Variants in SLC4A10 observed in about 807,000 individuals in gnomAD.
SLC4A10 encodes the protein sodium-driven chloride bicarbonate exchanger.
Under a neutral mutation model 137.7 loss-of-function variants are expected in SLC4A10, and 42 were observed. That is an observed-to-expected ratio of 0.30 (90% CI 0.24 to 0.39). The LOEUF is 0.39. Ranked by LOEUF, SLC4A10 falls within the 10% of genes least tolerant of loss-of-function variation. The pLI is 1.00. For missense variants in SLC4A10, 925 were observed against 1,355.0 expected, an observed-to-expected ratio of 0.68 and a Z score of 4.98; for synonymous variants, 474 against 464.1, an observed-to-expected ratio of 1.02 and a Z score of -0.27.
chr2:161,945,792 T>C (rs966831705), intron 16 of SLC4A10, among the ~76,000 whole-genome samples: 3 of 151,952 alleles, frequency 2.0e-5, no homozygotes, highest in Non-Finnish European at 2.9e-5. Flanking sequence ...AGGCAGACCA[T>C]TGGCAAATTA....
chr2:161,649,036 G>A lies in SLC4A10; in HGVS notation c.48+24470G>A, dbSNP rs564023248. 3.3e-5 allele frequency among the ~76,000 whole-genome samples: 5 copies of A among 152,186 alleles called. No individual in the cohort carries two copies. In the South Asian group the frequency reaches 1.0e-3, roughly 32 times the overall value. On this transcript the variant is annotated intron_variant, in intron 1 of 26. Transcript: ENST00000446997. ...GACCCAATTTTTATGCAGTTTTTGA[G>A]ATTTTTTAACTCGTCCTTTCTCCCA...
chr2:161,925,139 A>C (rs777261946), intron 15 of SLC4A10, among the ~76,000 whole-genome samples: 41 of 152,184 alleles, frequency 2.7e-4, no homozygotes, highest in Non-Finnish European at 4.9e-4. Context: ...TTGAGGCAGC[A>C]TACAATAGCT....
At chr2:161,659,036 G>A (rs895393585) in intron 1 of SLC4A10, among the ~76,000 whole-genome samples, 11 of 151,984 alleles carry the variant, frequency 7.2e-5, no homozygotes, top group African/African-American at 2.4e-4. Context: ...ATTTAGTCCA[G>A]CAATCCCACT....
At chr2:161,681,861 A>T (rs748626239) in intron 1 of SLC4A10, among the ~76,000 whole-genome samples, 9 of 152,056 alleles carry the variant, frequency 5.9e-5, no homozygotes, top group Non-Finnish European at 1.3e-4. Flanking sequence ...GATCCTCTAC[A>T]GTTTCATGCT....
chr2:161,868,146 G>T (rs1431217205), intron 6 of SLC4A10, among the ~76,000 whole-genome samples: 1 of 151,806 alleles, frequency 6.6e-6, no homozygotes, highest in Non-Finnish European at 1.5e-5. Flanking sequence ...ATACATATGT[G>T]CATACTTAAA....
intron 1 of SLC4A10, among the ~76,000 whole-genome samples, chr2:161,666,146 G>A (rs927738946): frequency 6.6e-6 from 1 of 151,202 alleles, no homozygotes; most frequent in Non-Finnish European, 1.5e-5. Flanking sequence ...TTTTGATATA[G>A]GCCAATCTTA....
intron 3 of SLC4A10, among the ~76,000 whole-genome samples, chr2:161,833,759 T>A (rs905348472): frequency 1.3e-5 from 2 of 152,228 alleles, no homozygotes; most frequent in African/African-American, 4.8e-5. Context: ...CATACAACAA[T>A]TGGCTGATAA....
chr2:161,834,984 T>C (rs2125761021), intron 3 of SLC4A10, among the ~76,000 whole-genome samples: 1 of 152,146 alleles, frequency 6.6e-6, no homozygotes, highest in South Asian at 2.1e-4. Context: ...GTCACAGTCA[T>C]CGTAAATAAC....
rs567051973 is a variant in SLC4A10 at position 161,716,820 on chromosome 2, A to AT, written c.49-54145dup. On this transcript the variant is annotated intron_variant, in intron 1 of 26. Transcript: ENST00000446997. ...TTTCTGGTTCCATATGAATTTTAAA[A>AT]TTTTTTTTCTAATTCTGTGAAGAAT... Among the ~76,000 whole-genome samples the AT allele has an allele frequency of 7.2e-5, 11 of 151,820 alleles. No individual in the cohort carries two copies. The East Asian group carries it at 1.4e-3, about 19-fold the overall frequency.
chr2:161,665,931 C>T (rs2038986589), intron 1 of SLC4A10, among the ~76,000 whole-genome samples: 1 of 147,594 alleles, frequency 6.8e-6, no homozygotes, highest in Non-Finnish European at 1.5e-5. Flanking sequence ...TATATATAGA[C>T]TACATTATAT....
chr2:161,804,322 T>C (rs2055687521), intron 2 of SLC4A10, 127 bp from the exon 3 acceptor site: 2 of 1,007,312 alleles, frequency 2.0e-6, no homozygotes, highest in Non-Finnish European at 2.8e-6. Flanking sequence ...CCAAGCTTTA[T>C]GTATCATAAA....
intron 2 of SLC4A10, among the ~76,000 whole-genome samples, chr2:161,779,463 TCTC>T (rs1483142223): frequency 9.9e-5 from 15 of 152,124 alleles, no homozygotes; most frequent in African/African-American, 2.6e-4. Context: ...ATGGCAGTAT[TCTC>T]CTGCTTTTCT....
chr2:161,712,295 CT>C (rs2044374021), intron 1 of SLC4A10, among the ~76,000 whole-genome samples: 1 of 151,714 alleles, frequency 6.6e-6, no homozygotes, highest in South Asian at 2.1e-4. Flanking sequence ...ACACCAACTA[CT>C]TTATTCATGA....
intron 1 of SLC4A10, among the ~76,000 whole-genome samples, chr2:161,755,408 G>T (rs1200379219): frequency 6.6e-6 from 1 of 152,166 alleles, no homozygotes; most frequent in African/African-American, 2.4e-5. Flanking sequence ...GACTAGCTGA[G>T]ATTTTTGGCT....
intron 3 of SLC4A10, among the ~76,000 whole-genome samples, chr2:161,817,961 G>A (rs368916645): frequency 0.041 from 5,902 of 144,944 alleles, 166 homozygotes; most frequent in East Asian, 0.098. Flanking sequence ...TTGGTGATGT[G>A]GGTTCTTTTT....
chr2:161,771,870 G>T (rs905826214), intron 2 of SLC4A10, among the ~76,000 whole-genome samples: 7 of 151,760 alleles, frequency 4.6e-5, no homozygotes, highest in Admixed American at 1.3e-4. Context: ...AAAAGTAAAA[G>T]CAAGGTGATC....
intron 3 of SLC4A10, among the ~76,000 whole-genome samples, chr2:161,815,309 G>A (rs1425628671): frequency 1.3e-5 from 2 of 152,034 alleles, no homozygotes; most frequent in Non-Finnish European, 2.9e-5. Context: ...TGCTGTTCTC[G>A]TGATGGTGAG....
At chr2:161,821,906 A>G (rs2057655306) in intron 3 of SLC4A10, among the ~76,000 whole-genome samples, 1 of 152,190 alleles carries the variant, frequency 6.6e-6, no homozygotes. Context: ...TGATACAGGG[A>G]ACCATACGTT....
chr2:161,664,631 A>G (rs2105738238), intron 1 of SLC4A10, among the ~76,000 whole-genome samples: 1 of 151,934 alleles, frequency 6.6e-6, no homozygotes, highest in Non-Finnish European at 1.5e-5. Context: ...AACTGCTGTG[A>G]GAGGAATATT....
Sources: gnomAD v4.1 joint callset for allele counts (sites outside exome capture counted in the v4.1 genomes callset) on GRCh38, gnomAD v4.1.1 for gene constraint, MANE v1.5 for transcripts, NCBI Gene and HGNC (gene_info 2026-07-23, HGNC 2026-07-21) for gene names.